SLC25A27: variants seen among roughly 807,000 people sequenced by gnomAD.
The protein encoded by SLC25A27 is mitochondrial uncoupling protein 4.
Under a neutral mutation model 49.1 loss-of-function variants are expected in SLC25A27, and 35 were observed. The observed-to-expected ratio is 0.71, with a 90% confidence interval of 0.54 to 0.95. SLC25A27 has a LOEUF of 0.95. Among genes scored for constraint, SLC25A27 ranks in the 40% least tolerant of loss-of-function variants. SLC25A27 has a pLI of 0.00. For synonymous variants in SLC25A27, 144 were observed against 136.9 expected (o/e 1.05, Z -0.36); for missense variants, 339 against 397.1 (o/e 0.85, Z 1.24).
intron 7 of SLC25A27, 128 bp from the exon 8 acceptor site, chr6:46,670,998 G>C: frequency 1.7e-6 from 1 of 600,082 alleles, no homozygotes; most frequent in South Asian, 1.9e-5. Context: ...CCAAAGTGCT[G>C]GGATTACAGG....
chr6:46,678,033 TATATATATA>T lies in SLC25A27; in HGVS notation c.*1580_*1588del, dbSNP rs1763863332. 2.4e-5 allele frequency: 1 copy of T among 41,910 alleles called. No homozygotes were observed. Among genetic ancestry groups the T allele is most frequent in the African/African-American group, 7.1e-5 (1 of 14,116 alleles). The allele number at this position is 41,910 out of a possible 1,614,324, so 2.6% of individuals were successfully genotyped here. Reference sequence around the variant, plus strand: ...TATGTAATTGCGTTGTAAAATATTATATATATATATATATATATATATATATATATATGC... The same window carrying T: ...TATGTAATTGCGTTGTAAAATATTATTATATATATATATATATATATATGC... On this transcript the variant is annotated 3_prime_UTR_variant, in exon 9 of 9. Coordinates refer to ENST00000371347, the MANE Select transcript of SLC25A27 (RefSeq NM_004277.5).
intron 2 of SLC25A27, 146 bp from the exon 3 acceptor site, chr6:46,658,816 C>A (rs762047752): frequency 1.5e-6 from 1 of 670,760 alleles, no homozygotes; most frequent in Non-Finnish European, 2.7e-6. Flanking sequence ...AAGAAGCCCA[C>A]GTGTTAGAAG....
At chr6:46,656,181 T>C in intron 2 of SLC25A27, 147 bp downstream of exon 2, 1 of 588,440 alleles carries the variant, frequency 1.7e-6, no homozygotes, top group Non-Finnish European at 2.7e-6. Context: ...TTTTTATTAT[T>C]ATTTAGGTTT....
intron 8 of SLC25A27, among the ~76,000 whole-genome samples, chr6:46,676,145 G>A (rs528547519): frequency 6.6e-6 from 1 of 152,002 alleles, no homozygotes; most frequent in Non-Finnish European, 1.5e-5. Flanking sequence ...TGAAAATCAG[G>A]GATATTAATA....
intron 4 of SLC25A27, among the ~76,000 whole-genome samples, chr6:46,663,465 T>A (rs563127028): frequency 1.1e-4 from 17 of 152,294 alleles, no homozygotes; most frequent in African/African-American, 4.1e-4. Context: ...AGGGTACCAC[T>A]GTGACTTAAC....
intron 3 of SLC25A27, among the ~76,000 whole-genome samples, chr6:46,659,996 T>G (rs1763113440): frequency 6.6e-6 from 1 of 151,992 alleles, no homozygotes; most frequent in Admixed American, 6.6e-5. Flanking sequence ...CCAGAGTGAT[T>G]TATTTGAAAC....
intron 3 of SLC25A27, among the ~76,000 whole-genome samples, chr6:46,661,283 C>G (rs1582501910): frequency 6.6e-6 from 1 of 152,128 alleles, no homozygotes; most frequent in East Asian, 1.9e-4. Flanking sequence ...CAGGCATTTT[C>G]ACAGGTTGTT....
At chr6:46,672,156 T>C (rs1385211622) in intron 8 of SLC25A27, among the ~76,000 whole-genome samples, 1 of 151,996 alleles carries the variant, frequency 6.6e-6, no homozygotes, top group African/African-American at 2.4e-5. Flanking sequence ...AGAATGGACT[T>C]CTGAATTTAG....
chr6:46,657,156 AC>A (rs1763011721), intron 2 of SLC25A27, among the ~76,000 whole-genome samples: 1 of 151,726 alleles, frequency 6.6e-6, no homozygotes, highest in South Asian at 2.1e-4. Context: ...ACAAAACAAG[AC>A]CCCATCTCTA....
chr6:46,665,092 T>C (rs1286549845), intron 5 of SLC25A27, among the ~76,000 whole-genome samples: 4 of 152,164 alleles, frequency 2.6e-5, no homozygotes, highest in African/African-American at 9.7e-5. Context: ...ATGAAAAGGA[T>C]AGGATTTACT....
chr6:46,657,626 TAAGA>T (rs958971870), intron 2 of SLC25A27, among the ~76,000 whole-genome samples: 2 of 152,244 alleles, frequency 1.3e-5, no homozygotes, highest in Non-Finnish European at 2.9e-5. Flanking sequence ...TGTATAGGTT[TAAGA>T]AAGAAAAAGT....
chr6:46,666,541 T>A (rs1442563136), intron 5 of SLC25A27, among the ~76,000 whole-genome samples: 1 of 152,192 alleles, frequency 6.6e-6, no homozygotes, highest in African/African-American at 2.4e-5. Flanking sequence ...TGTCTGTGTC[T>A]ACTGTATATT....
At chr6:46,659,247 T>C (rs1014851736) in intron 3 of SLC25A27, among the ~76,000 whole-genome samples, 3 of 152,172 alleles carry the variant, frequency 2.0e-5, no homozygotes, top group African/African-American at 4.8e-5. Context: ...ATTGCATATA[T>C]AGAGATATTT....
At chr6:46,656,215 CTG>C (rs1562034367) in intron 2 of SLC25A27, among the ~76,000 whole-genome samples, 181 bp downstream of exon 2, 3 of 152,072 alleles carry the variant, frequency 2.0e-5, no homozygotes, top group Middle Eastern at 3.4e-3. Flanking sequence ...GAGTCACACT[CTG>C]TCGCCCAGGC....
At chr6:46,656,958 G>C (rs1763003007) in intron 2 of SLC25A27, among the ~76,000 whole-genome samples, 1 of 152,150 alleles carries the variant, frequency 6.6e-6, no homozygotes, top group Admixed American at 6.5e-5. Flanking sequence ...TTGAGCCCAG[G>C]AGTTCGAGAC....
intron 5 of SLC25A27, among the ~76,000 whole-genome samples, chr6:46,667,009 C>T (rs893389175): frequency 4.6e-5 from 7 of 152,198 alleles, no homozygotes; most frequent in African/African-American, 1.7e-4. Context: ...TCCTACTGGA[C>T]CACTACAGAG....
In SLC25A27 at chr6:46,677,889, AAT is replaced by A. The variant is rs557079278; in HGVS notation, c.*1440_*1441del. On this transcript the variant is annotated 3_prime_UTR_variant, in exon 9 of 9. Transcript: ENST00000371347. ...TTTAAGAGGGGGAAGTACATTTTAA[AAT>A]ATATTTGAATGTCATGTACTGATAT... 2.0e-5 allele frequency: 3 copies of A among 152,380 alleles called. No individual in the cohort carries two copies. The highest frequency in any genetic ancestry group is 4.4e-5 in the Non-Finnish European group (3 of 68,002). The allele number at this position is 152,380 out of a possible 1,614,324, so 9.4% of individuals were successfully genotyped here. A position where few individuals can be genotyped will look rare whatever the true frequency, so the allele number is the denominator to read the frequency against.
In SLC25A27 at chr6:46,678,030, T is replaced by TTATATATATA. The variant is rs67622673; in HGVS notation, c.*1602_*1611dup. 5,008 of 99,098 alleles carry TTATATATATA rather than the reference T, an allele frequency of 0.051. 427 individuals are homozygous for TTATATATATA. Among genetic ancestry groups the TTATATATATA allele is most frequent in the African/African-American group, 0.063 (1,547 of 24,746 alleles). The allele number at this position is 99,098 out of a possible 1,614,324, so 6.1% of individuals were successfully genotyped here. ...CAATATGTAATTGCGTTGTAAAATA[T>TTATATATATA]TATATATATATATATATATATATAT... On this transcript the variant is annotated 3_prime_UTR_variant, in exon 9 of 9. Coordinates refer to ENST00000371347, the MANE Select transcript of SLC25A27 (RefSeq NM_004277.5).
At chr6:46,667,174 C>T (rs1763353618) in intron 5 of SLC25A27, among the ~76,000 whole-genome samples, 2 of 152,108 alleles carry the variant, frequency 1.3e-5, no homozygotes, top group Admixed American at 1.3e-4. Flanking sequence ...GTGCCTCTGT[C>T]CTTTAAATTG....
Sources: allele counts gnomAD v4.1 joint callset (sites outside exome capture counted in the v4.1 genomes callset), GRCh38; gene constraint gnomAD v4.1.1; transcripts MANE v1.5; gene names NCBI Gene and HGNC (gene_info 2026-07-23, HGNC 2026-07-21).